UHMK1: variants seen among roughly 807,000 people sequenced by gnomAD.
UHMK1 encodes the protein serine/threonine-protein kinase Kist.
Under a neutral mutation model 44.0 loss-of-function variants are expected in UHMK1, and 18 were observed. That is an observed-to-expected ratio of 0.41 (90% CI 0.28 to 0.61). UHMK1 has a LOEUF of 0.61. Among genes scored for constraint, UHMK1 ranks in the 20% least tolerant of loss-of-function variants. UHMK1 has a pLI of 0.31. For synonymous variants in UHMK1, 231 were observed against 198.5 expected (o/e 1.16, Z -1.38); for missense variants, 463 against 522.5 (o/e 0.89, Z 1.11).
At chr1:162,501,924 A>C (rs541554271) in intron 3 of UHMK1, among the ~76,000 whole-genome samples, 1 of 122,618 alleles carries the variant, frequency 8.2e-6, no homozygotes, top group South Asian at 2.6e-4. Flanking sequence ...CCCAGTCTCT[A>C]GTAAAAAAAA....
At chr1:162,497,461 T>C (rs1041258762), upstream of UHMK1, among the ~76,000 whole-genome samples, 2 of 152,186 alleles carry the variant, frequency 1.3e-5, no homozygotes, top group African/African-American at 4.8e-5. Context: ...GCTTCCAGAA[T>C]CATGGGTTCT....
rs568351220 is a variant in UHMK1 at position 162,511,759 on chromosome 1, T to G, written c.849-741T>G. On this transcript the variant is annotated intron_variant, in intron 4 of 7. Transcript: ENST00000489294. Reference sequence around the variant, plus strand: ...AATTGTTAATCCATTTTGAGTTGATTTTTGTGTAGGTCAGAGATAAGGGTT... The same window carrying G: ...AATTGTTAATCCATTTTGAGTTGATGTTTGTGTAGGTCAGAGATAAGGGTT... Among the ~76,000 whole-genome samples the G allele has an allele frequency of 2.2e-4, 33 of 152,302 alleles. 1 individual carries two copies. The South Asian group carries it at 3.5e-3, about 16-fold the overall frequency.
chr1:162,497,912 G>T lies in UHMK1; in HGVS notation c.-89G>T. ...CAGGTCCCTCCCTGCGGAGCCGCTG[G>T]TCCGGCTGGCGGAGATGTGACCGCG... On this transcript the variant is annotated 5_prime_UTR_variant, in exon 1 of 8. Transcript: ENST00000489294. 2.1e-6 allele frequency: 3 copies of T among 1,430,360 alleles called. No homozygotes were observed. Among genetic ancestry groups the T allele is most frequent in the Non-Finnish European group, 2.7e-6 (3 of 1,096,962 alleles). The allele number at this position is 1,430,360 out of a possible 1,614,324, so 88.6% of individuals were successfully genotyped here. A position where few individuals can be genotyped will look rare whatever the true frequency, so the allele number is the denominator to read the frequency against.
upstream of UHMK1, chr1:162,497,753 C>T: frequency 7.9e-7 from 1 of 1,264,778 alleles, no homozygotes; most frequent in Non-Finnish European, 1.0e-6. Flanking sequence ...CTTCTAGGCC[C>T]CGCCCCTTCT....
intron 1 of UHMK1, 97 bp from the exon 2 acceptor site, chr1:162,499,852 GTTATCC>G (rs1651202774): frequency 1.8e-6 from 2 of 1,104,474 alleles, no homozygotes; most frequent in Non-Finnish European, 2.6e-6. Context: ...GCTCATCAAA[GTTATCC>G]TTATCTAGAC....
At chr1:162,497,587 T>G (rs1022915819), upstream of UHMK1, among the ~76,000 whole-genome samples, 1 of 152,066 alleles carries the variant, frequency 6.6e-6, no homozygotes, top group African/African-American at 2.4e-5. Context: ...TTCCTAGTGG[T>G]GAGGTAAGGT....
At chr1:162,522,321 T>C (rs1041116104) in intron 7 of UHMK1, 83 bp from the exon 8 acceptor site, 11 of 1,441,088 alleles carry the variant, frequency 7.6e-6, no homozygotes, top group Middle Eastern at 1.8e-4. Flanking sequence ...CTCCAGTTGA[T>C]GTATATATAT....
At chr1:162,517,266 T>G (rs1651864692) in intron 6 of UHMK1, among the ~76,000 whole-genome samples, 1 of 151,706 alleles carries the variant, frequency 6.6e-6, no homozygotes, top group African/African-American at 2.4e-5. Flanking sequence ...GCCACTACAC[T>G]CCAGCCTGGG....
Position 162,503,792 on chromosome 1 carries a change from T to C in UHMK1, c.792T>C (p.Ser264=). The C allele has an allele frequency of 6.2e-7, 1 of 1,614,126 alleles. No individual in the cohort carries two copies. The highest frequency in any genetic ancestry group is 8.5e-7 in the Non-Finnish European group (1 of 1,180,008). Reference sequence around the variant, plus strand: ...CTATTATTGATCACATATTTGCCAGTAAAGCAGTGGTGAATGCCGCAATTC... The same window carrying C: ...CTATTATTGATCACATATTTGCCAGCAAAGCAGTGGTGAATGCCGCAATTC... ...SSAIIDHIFA[S]KAVVNAAIPA... The change falls in exon 4 of 8, where the codon AGT becomes AGC. Residue 264 remains serine, a synonymous_variant. Transcript: ENST00000489294.
At chr1:162,512,644 T>G in intron 5 of UHMK1, 68 bp downstream of exon 5, 1 of 1,601,684 alleles carries the variant, frequency 6.2e-7, no homozygotes, top group Non-Finnish European at 8.5e-7. Flanking sequence ...AGCACTAATT[T>G]ATATTCACAA....
chr1:162,498,185 C>G lies in UHMK1; in HGVS notation c.185C>G (p.Thr62Ser). Residue 62 changes from threonine (T) to serine (S), a missense_variant, in exon 1 of 8, where the codon ACC becomes AGC. Transcript: ENST00000489294. The stretch of plus-strand genomic sequence containing the variant: ...AAGCAGTTCTTGCCGCCAGGAACCA[C>G]CGGGGCTGCGGCCTCTGCCGCCGAG... Reference protein sequence around the residue: ...ALKQFLPPGTTGAAASAAEYG... With the variant: ...ALKQFLPPGTSGAAASAAEYG... 6.2e-7 allele frequency: 1 copy of G among 1,613,074 alleles called. No individual in the cohort carries two copies. Among genetic ancestry groups the G allele is most frequent in the South Asian group, 1.1e-5 (1 of 91,004 alleles).
At chr1:162,508,717 A>G (rs1168167995) in intron 4 of UHMK1, among the ~76,000 whole-genome samples, 2 of 151,480 alleles carry the variant, frequency 1.3e-5, no homozygotes, top group African/African-American at 4.8e-5. Context: ...AAAAAAAAGT[A>G]GATTATAATG....
At chr1:162,497,729 A>C (rs1164406930), upstream of UHMK1, 25 of 1,137,356 alleles carry the variant, frequency 2.2e-5, no homozygotes, top group Non-Finnish European at 2.8e-5. Flanking sequence ...TTCCAAACCT[A>C]GCGCGTCTAA....
chr1:162,505,724 T>C (rs1651445064), intron 4 of UHMK1, among the ~76,000 whole-genome samples: 3 of 152,220 alleles, frequency 2.0e-5, no homozygotes, highest in Non-Finnish European at 4.4e-5. Flanking sequence ...TTCTAGACTA[T>C]GGACTGGAAG....
Position 162,522,751 on chromosome 1 carries a change from A to G in UHMK1, c.*201A>G. 2 of 526,772 alleles carry G rather than the reference A, an allele frequency of 3.8e-6. No individual in the cohort carries two copies. Among genetic ancestry groups the G allele is most frequent in the South Asian group, 6.8e-5 (2 of 29,454 alleles). 32.6% of individuals were successfully genotyped at this position (526,772 alleles called of 1,614,324 possible). A position where few individuals can be genotyped will look rare whatever the true frequency, so the allele number is the denominator to read the frequency against. On this transcript the variant is annotated 3_prime_UTR_variant, in exon 8 of 8. Coordinates refer to ENST00000489294, the MANE Select transcript of UHMK1 (RefSeq NM_175866.5). ...GTAGGACAAGACCTCTCAGCTATAC[A>G]TTGAGGGGTTTTAGAGCATCCATGT...
At chr1:162,503,918 C>A in intron 4 of UHMK1, 70 bp downstream of exon 4, 1 of 1,150,478 alleles carries the variant, frequency 8.7e-7, no homozygotes, top group Non-Finnish European at 1.3e-6. Flanking sequence ...TTTTTTTTCT[C>A]TGAACAGATT....
chr1:162,512,926 A>G, intron 6 of UHMK1, 103 bp downstream of exon 6: 2 of 1,107,126 alleles, frequency 1.8e-6, no homozygotes, highest in Non-Finnish European at 2.6e-6. Flanking sequence ...TAATGAGAAT[A>G]TTGAACAATA....
At chr1:162,515,556 T>C (rs1651804726) in intron 6 of UHMK1, among the ~76,000 whole-genome samples, 1 of 127,074 alleles carries the variant, frequency 7.9e-6, no homozygotes. Context: ...TCTTGAGTTT[T>C]CAGGTTGTCT....
chr1:162,497,425 C>T (rs1651086747), upstream of UHMK1: 2 of 559,838 alleles, frequency 3.6e-6, no homozygotes, highest in Non-Finnish European at 6.5e-6. Flanking sequence ...TTTCGGTTTA[C>T]ATCTAAAAGA....
Sources: allele counts gnomAD v4.1 joint callset (sites outside exome capture counted in the v4.1 genomes callset), GRCh38; gene constraint gnomAD v4.1.1; transcripts MANE v1.5; gene names NCBI Gene and HGNC (gene_info 2026-07-23, HGNC 2026-07-21).